Variants in CELF2 observed in about 807,000 individuals in gnomAD.
CELF2 encodes the protein CUGBP Elav-like family member 2, also known as CUG triplet repeat RNA-binding protein 2.
Under a neutral mutation model 62.6 loss-of-function variants are expected in CELF2, and 8 were observed. That is an observed-to-expected ratio of 0.13 (90% CI 0.07 to 0.23). The LOEUF is 0.23. Ranked by LOEUF, CELF2 falls within the 10% of genes least tolerant of loss-of-function variation. CELF2 has a pLI of 1.00. For synonymous variants in CELF2, 258 were observed against 250.0 expected (o/e 1.03, Z -0.30); for missense variants, 333 against 671.0 (o/e 0.50, Z 5.56).
At chr10:10,768,164 T>C in the CELF2 span, among the ~76,000 whole-genome samples, 2 of 127,788 alleles carry the variant, frequency 1.6e-5, no homozygotes, top group Admixed American at 7.8e-5. Context: ...AGACTCCGTC[T>C]CAAAAAAAAA....
chr10:10,705,489 GGA>G, the CELF2 span, among the ~76,000 whole-genome samples: 2 of 152,092 alleles, frequency 1.3e-5, no homozygotes, highest in Non-Finnish European at 2.9e-5. Flanking sequence ...TGAACTACAG[GGA>G]GAGAGAGGGA....
chr10:11,017,825 C>A, upstream of CELF2: 1 of 428,130 alleles, frequency 2.3e-6, no homozygotes, highest in South Asian at 9.7e-5. The surrounding 1 kb of genome is among the most constrained non-coding windows in gnomAD (Gnocchi z 5.5). Context: ...CGCTCTGGGC[C>A]GGCGGGCCCG....
chr10:10,905,737 G>C (rs113251463), intron 1 of CELF2, among the ~76,000 whole-genome samples: 5,274 of 152,152 alleles, frequency 0.035, 304 homozygotes, highest in African/African-American at 0.12. Flanking sequence ...AATTAGCCAG[G>C]TGTGGTGGCG....
At chr10:11,054,594 G>T (rs1179399389) in intron 1 of CELF2, among the ~76,000 whole-genome samples, 3 of 151,778 alleles carry the variant, frequency 2.0e-5, no homozygotes, top group African/African-American at 4.8e-5. Flanking sequence ...TTTCATAGTG[G>T]CCTACAGGAC....
the CELF2 span, among the ~76,000 whole-genome samples, chr10:10,752,729 A>G: frequency 7.0e-6 from 1 of 142,104 alleles, no homozygotes; most frequent in Non-Finnish European, 1.5e-5. Flanking sequence ...AAAAAAAAAG[A>G]TATTCCAGAG....
At chr10:11,180,046 C>G (rs2072773810) in intron 2 of CELF2, among the ~76,000 whole-genome samples, 1 of 152,118 alleles carries the variant, frequency 6.6e-6, no homozygotes, top group Non-Finnish European at 1.5e-5. Flanking sequence ...TTCTGTTAGC[C>G]TGTTGGTGCT....
rs528058384 is a variant in CELF2 at position 11,280,549 on chromosome 10, G to A, written c.841+5429G>A. Among the ~76,000 whole-genome samples the A allele has an allele frequency of 6.6e-6, 1 of 152,336 alleles. No homozygotes were observed. Among genetic ancestry groups the A allele is most frequent in the South Asian group, 2.1e-4 (1 of 4,826 alleles). ...ACATCAGCCACCAGGGACGTGCATC[G>A]TTGCCAGGGAAGGGCCCAGGAACAC... is the stretch of plus-strand genomic sequence containing the variant. On this transcript the variant is annotated intron_variant, in intron 8 of 12. Coordinates refer to ENST00000633077, the MANE Select transcript of CELF2 (RefSeq NM_001326342.2). The surrounding 1 kb of genome is among the most constrained non-coding windows in gnomAD (Gnocchi z 7.6).
At chr10:11,037,691 A>G (rs1353620250) in intron 1 of CELF2, among the ~76,000 whole-genome samples, 2 of 152,118 alleles carry the variant, frequency 1.3e-5, no homozygotes, top group Non-Finnish European at 2.9e-5. Context: ...TTATTCATCC[A>G]TTTATTAGAC....
At chr10:10,694,792 T>C in the CELF2 span, among the ~76,000 whole-genome samples, 1 of 151,960 alleles carries the variant, frequency 6.6e-6, no homozygotes, top group South Asian at 2.1e-4. Context: ...CTTTTGATCT[T>C]TGTTGGTTTA....
chr10:11,064,506 C>T (rs1184831192), intron 1 of CELF2, among the ~76,000 whole-genome samples: 4 of 152,168 alleles, frequency 2.6e-5, no homozygotes, highest in African/African-American at 9.7e-5. Context: ...AAGTGTTTAA[C>T]ACTGTGGAAG....
At chr10:10,541,326 C>T in the CELF2 span, among the ~76,000 whole-genome samples, 2 of 151,760 alleles carry the variant, frequency 1.3e-5, no homozygotes, top group East Asian at 1.9e-4. Context: ...GAAAGGGGCT[C>T]CACATCCAGG....
the CELF2 span, among the ~76,000 whole-genome samples, chr10:10,532,193 C>T: frequency 1.8e-4 from 28 of 152,340 alleles, no homozygotes; most frequent in South Asian, 5.2e-3. Context: ...GTCTACTCAA[C>T]AAAATTCATT....
the CELF2 span, among the ~76,000 whole-genome samples, chr10:10,558,329 G>T: frequency 1.3e-5 from 2 of 151,420 alleles, no homozygotes; most frequent in African/African-American, 4.8e-5. Flanking sequence ...TTATATGCTG[G>T]ATTACATTTA....
chr10:11,298,923 T>C (rs188251968), intron 9 of CELF2, among the ~76,000 whole-genome samples: 1 of 152,276 alleles, frequency 6.6e-6, no homozygotes, highest in East Asian at 1.9e-4. Flanking sequence ...TAGAATAAGG[T>C]CCAATGATAT....
At chr10:10,702,323 C>T in the CELF2 span, among the ~76,000 whole-genome samples, 1 of 152,266 alleles carries the variant, frequency 6.6e-6, no homozygotes, top group South Asian at 2.1e-4. Context: ...TCACTTCTTT[C>T]TTTTGGCTAG....
chr10:10,654,886 A>T, the CELF2 span, among the ~76,000 whole-genome samples: 2 of 149,946 alleles, frequency 1.3e-5, no homozygotes, highest in African/African-American at 4.9e-5. Flanking sequence ...GGGCAGGAGA[A>T]GGAAATAAAG....
chr10:11,021,817 C>G (rs1180947830), intron 1 of CELF2, among the ~76,000 whole-genome samples: 1 of 152,132 alleles, frequency 6.6e-6, no homozygotes, highest in Non-Finnish European at 1.5e-5. Context: ...ATGACATACC[C>G]TTTTATCAAA....
chr10:11,152,121 C>T (rs1241742998), intron 1 of CELF2, among the ~76,000 whole-genome samples: 2 of 152,116 alleles, frequency 1.3e-5, no homozygotes, highest in African/African-American at 4.8e-5. Context: ...GAAGAATGGG[C>T]TTGGGTAGGA....
chr10:10,786,938 AG>A, the CELF2 span, among the ~76,000 whole-genome samples: 1 of 151,514 alleles, frequency 6.6e-6, no homozygotes, highest in South Asian at 2.1e-4. Flanking sequence ...GGGAAGGAAA[AG>A]CTACAGGGCA....
Sources: allele counts gnomAD v4.1 joint callset (sites outside exome capture counted in the v4.1 genomes callset), GRCh38; gene constraint gnomAD v4.1.1; non-coding constraint Gnocchi (gnomAD v3.1); transcripts MANE v1.5; gene names NCBI Gene and HGNC (gene_info 2026-07-23, HGNC 2026-07-21).